Variants in OTOGL observed in about 807,000 individuals in gnomAD.
OTOGL encodes the protein otogelin like.
A neutral mutation model predicts 318.5 loss-of-function variants in OTOGL; 285 were observed. The observed-to-expected ratio is 0.89, with a 90% confidence interval of 0.81 to 0.99. The LOEUF (loss-of-function observed/expected upper bound fraction) is 0.99, where lower values mean the gene tolerates loss of function less well. OTOGL is among the 50% of genes least tolerant of loss of function. OTOGL has a pLI of 0.00. For synonymous variants in OTOGL, 987 were observed against 936.5 expected (o/e 1.05, Z -0.99); for missense variants, 2,899 against 2,845.6 (o/e 1.02, Z -0.43).
At chr12:80,265,586 G>A (rs1465555180) in intron 20 of OTOGL, 4 of 210,794 alleles carry the variant, frequency 1.9e-5, no homozygotes, top group Non-Finnish European at 3.9e-5. Flanking sequence ...TAGATGTTAT[G>A]CAACAGGCAA....
intron 1 of OTOGL, among the ~76,000 whole-genome samples, chr12:80,103,641 A>T (rs1426954773): frequency 6.6e-6 from 1 of 152,238 alleles, no homozygotes; most frequent in Non-Finnish European, 1.5e-5. Flanking sequence ...CTGTCCTGTC[A>T]CTGCTGTATA....
At position 80,330,338 on chromosome 12, in the gene OTOGL, C is replaced by T. The variant is rs548454402; in HGVS notation, c.4348+1219C>T. On this transcript the variant is annotated intron_variant, in intron 37 of 58. Transcript: ENST00000547103. ...ACTTTTAATCTTAATAAGAGCCCTACGAGAGAGGTTTACCCTTCTAGAGAT... is the reference window on the plus strand; with the variant it reads ...ACTTTTAATCTTAATAAGAGCCCTATGAGAGAGGTTTACCCTTCTAGAGAT... Among the ~76,000 whole-genome samples the T allele has an allele frequency of 1.8e-4, 28 of 152,184 alleles. No individual in the cohort carries two copies. In the South Asian group the frequency reaches 4.0e-3, roughly 21 times the overall value.
intron 11 of OTOGL, among the ~76,000 whole-genome samples, chr12:80,248,764 C>T (rs1442635982): frequency 1.3e-5 from 2 of 149,862 alleles, no homozygotes; most frequent in East Asian, 3.9e-4. Context: ...GAGTGTTTTC[C>T]AACTTGGTTC....
At chr12:80,368,376 G>A in intron 55 of OTOGL, 67 bp downstream of exon 55, 1 of 1,071,418 alleles carries the variant, frequency 9.3e-7, no homozygotes, top group Non-Finnish European at 1.3e-6. Context: ...TCAAAGTTTG[G>A]AAAATGTCCC....
chr12:80,249,959 C>A lies in OTOGL; in HGVS notation c.1053-1734C>A, dbSNP rs538412677. ...GCGTCCGTCAGCCCTTTCTTTGACT[C>A]GGAAAGGGAACTCCCTGACCCCTTG... On this transcript the variant is annotated intron_variant, in intron 11 of 58. Coordinates refer to ENST00000547103, the MANE Select transcript of OTOGL (RefSeq NM_001378609.3). 6.6e-5 allele frequency among the ~76,000 whole-genome samples: 10 copies of A among 152,124 alleles called. No homozygotes were observed. In the East Asian group the frequency reaches 1.4e-3, roughly 21 times the overall value.
chr12:80,364,907 A>T (rs1890436181), intron 52 of OTOGL, among the ~76,000 whole-genome samples: 1 of 152,074 alleles, frequency 6.6e-6, no homozygotes, highest in East Asian at 1.9e-4. Context: ...TACAAATCAG[A>T]ACTATAGTGA....
chr12:80,354,075 G>A (rs10444534), intron 46 of OTOGL, among the ~76,000 whole-genome samples: 27,932 of 152,184 alleles, frequency 0.18, 2,722 homozygotes, highest in Middle Eastern at 0.22. Flanking sequence ...GTGTGGCCTA[G>A]TGGGAGGTGT....
At chr12:80,316,639 G>A (rs1049793459) in intron 32 of OTOGL, among the ~76,000 whole-genome samples, 3 of 152,118 alleles carry the variant, frequency 2.0e-5, no homozygotes, top group African/African-American at 7.2e-5. Flanking sequence ...GGAGTGGCAG[G>A]CAAATAAATT....
At chr12:80,107,937 G>A (rs1419307630) in intron 1 of OTOGL, among the ~76,000 whole-genome samples, 1 of 151,966 alleles carries the variant, frequency 6.6e-6, no homozygotes. Context: ...CAGACACTGG[G>A]GCCTATTTGA....
In OTOGL at chr12:80,260,128, T is replaced by C. The variant is rs543501791; in HGVS notation, c.1890-1841T>C. On this transcript the variant is annotated intron_variant, in intron 18 of 58. Coordinates refer to ENST00000547103, the MANE Select transcript of OTOGL (RefSeq NM_001378609.3). ...ACATATAGTGGACAGTTAATTGAAC[T>C]GAGGTAGAATGTTTAGTGGGGCATC... Among the ~76,000 whole-genome samples the C allele has an allele frequency of 2.2e-3, 328 of 152,204 alleles. 2 individuals are homozygous for C. The highest frequency in any genetic ancestry group is 3.8e-3 in the Non-Finnish European group (257 of 67,992).
chr12:80,272,158 T>G (rs1324097385), intron 24 of OTOGL, among the ~76,000 whole-genome samples: 2 of 152,134 alleles, frequency 1.3e-5, no homozygotes, highest in Non-Finnish European at 2.9e-5. Flanking sequence ...GGTATTGATG[T>G]GAAGTTGTAA....
chr12:80,332,261 G>T (rs900006511), intron 37 of OTOGL, among the ~76,000 whole-genome samples: 18 of 152,290 alleles, frequency 1.2e-4, no homozygotes, highest in Non-Finnish European at 1.2e-4. Context: ...CACTGGTGTT[G>T]TTTTAAGCCA....
At chr12:80,359,589 A>G (rs1196074423) in intron 52 of OTOGL, among the ~76,000 whole-genome samples, 1 of 152,212 alleles carries the variant, frequency 6.6e-6, no homozygotes, top group African/African-American at 2.4e-5. Flanking sequence ...CAGAATCTCC[A>G]GTTCAAAGCT....
intron 44 of OTOGL, among the ~76,000 whole-genome samples, chr12:80,347,753 T>A (rs925112750): frequency 3.3e-5 from 5 of 152,216 alleles, no homozygotes; most frequent in African/African-American, 1.2e-4. Flanking sequence ...TGTAAACATG[T>A]TCCTCTTTCT....
At chr12:80,277,072 C>A (rs868497056) in intron 24 of OTOGL, among the ~76,000 whole-genome samples, 22 of 149,048 alleles carry the variant, frequency 1.5e-4, no homozygotes, top group Non-Finnish European at 1.0e-4. Context: ...AAGTTTTATA[C>A]CTTATCTATT....
chr12:80,220,350 G>A (rs569986208), intron 6 of OTOGL, among the ~76,000 whole-genome samples: 10 of 151,982 alleles, frequency 6.6e-5, no homozygotes, highest in Admixed American at 3.9e-4. Flanking sequence ...GTGGAGATGG[G>A]GTTTCACCAT....
At chr12:80,342,726 T>C (rs1489856102) in intron 44 of OTOGL, among the ~76,000 whole-genome samples, 2 of 152,148 alleles carry the variant, frequency 1.3e-5, no homozygotes, top group Non-Finnish European at 2.9e-5. Context: ...GAAATCACTG[T>C]GTTAGATTCC....
Position 80,378,149 on chromosome 12 carries a change from A to G in OTOGL, c.*101A>G, listed in dbSNP as rs1340381372. 5 of 879,346 alleles carry G rather than the reference A, an allele frequency of 5.7e-6. No homozygotes were observed. The highest frequency in any genetic ancestry group is 6.8e-6 in the Non-Finnish European group (4 of 592,134). 54.5% of individuals were successfully genotyped at this position (879,346 alleles called of 1,614,324 possible). On this transcript the variant is annotated 3_prime_UTR_variant, in exon 59 of 59. Coordinates refer to ENST00000547103, the MANE Select transcript of OTOGL (RefSeq NM_001378609.3). ...TGTGGCAGATTTATGCTGTTTAACAATACTGTATTTTTCAGACTTGGAATG... is the reference window on the plus strand; with the variant it reads ...TGTGGCAGATTTATGCTGTTTAACAGTACTGTATTTTTCAGACTTGGAATG...
intron 4 of OTOGL, among the ~76,000 whole-genome samples, chr12:80,217,110 T>C (rs749402331): frequency 6.6e-6 from 1 of 152,298 alleles, no homozygotes; most frequent in Middle Eastern, 3.4e-3. Flanking sequence ...AGGCAGGACA[T>C]CACCATCTGT....
Sources: allele counts gnomAD v4.1 joint callset (sites outside exome capture counted in the v4.1 genomes callset), GRCh38; gene constraint gnomAD v4.1.1; transcripts MANE v1.5; gene names NCBI Gene and HGNC (gene_info 2026-07-23, HGNC 2026-07-21).